The following NECTIN3 variants were observed in gnomAD, a reference collection of about 807,000 sequenced individuals.
NECTIN3 encodes the protein nectin-3.
A neutral mutation model predicts 49.4 loss-of-function variants in NECTIN3; 8 were observed. The ratio of observed to expected loss-of-function variants is 0.16; its 90% CI spans 0.10 to 0.29. The LOEUF (loss-of-function observed/expected upper bound fraction) is 0.29. NECTIN3 is among the 10% of genes least tolerant of loss of function. The probability of loss-of-function intolerance (pLI) is 1.00; values close to 1 mark genes in which losing one functional copy is unlikely to be tolerated. For synonymous variants in NECTIN3, 277 were observed against 241.1 expected, an observed-to-expected ratio of 1.15 and a Z score of -1.38; for missense variants, 581 against 654.6, an observed-to-expected ratio of 0.89 and a Z score of 1.23.
At chr3:111,112,421 T>A (rs1183431051) in intron 2 of NECTIN3, 50 bp downstream of exon 2, 24 of 1,104,748 alleles carry the variant, frequency 2.2e-5, no homozygotes, top group Non-Finnish European at 2.9e-5. Flanking sequence ...AAGATTATAA[T>A]AAAAATATTT....
At chr3:111,187,028 A>C (rs1383869992) in intron 7 of NECTIN3, among the ~76,000 whole-genome samples, 1 of 152,192 alleles carries the variant, frequency 6.6e-6, no homozygotes, top group African/African-American at 2.4e-5. Context: ...AGAAATACCA[A>C]ATCCTGTTGA....
chr3:111,081,555 T>C (rs1023623872), intron 1 of NECTIN3, among the ~76,000 whole-genome samples: 2 of 152,190 alleles, frequency 1.3e-5, no homozygotes, highest in African/African-American at 4.8e-5. Flanking sequence ...TGCAATAAAG[T>C]GCTATGTAAA....
In NECTIN3 at chr3:111,118,855, T is replaced by A. The variant is rs895541966; in HGVS notation, c.702T>A (p.Phe234Leu). ...TATIISQYKL[F>L]PTRFARGRRI... ...CGATTATCAGCCAGTACAAGCTATT[T>A]CCAACCAGATTTGCTAGAGGAAGGC... Residue 234 changes from phenylalanine to leucine, a missense_variant, in exon 3 of 6, where the codon TTT becomes TTA. By Grantham distance (22) the Phe-to-Leu change is conservative (BLOSUM62 0). Coordinates refer to ENST00000485303, the MANE Select transcript of NECTIN3 (RefSeq NM_015480.3). 1.1e-5 allele frequency: 17 copies of A among 1,614,026 alleles called. No homozygotes were observed. In the African/African-American group the frequency reaches 2.3e-4, roughly 22 times the overall value.
intron 7 of NECTIN3, among the ~76,000 whole-genome samples, chr3:111,154,718 T>G (rs762759114): frequency 3.3e-5 from 5 of 152,316 alleles, no homozygotes; most frequent in East Asian, 1.9e-4. Flanking sequence ...TAGGTTTAAA[T>G]CTGCAGTTTT....
chr3:111,093,526 C>T (rs2032398770), intron 1 of NECTIN3, among the ~76,000 whole-genome samples: 1 of 151,794 alleles, frequency 6.6e-6, no homozygotes, highest in Non-Finnish European at 1.5e-5. Flanking sequence ...CCTCCACCTC[C>T]TGGGTTCAAG....
chr3:111,176,413 T>C (rs2035529031), intron 7 of NECTIN3, among the ~76,000 whole-genome samples: 1 of 152,150 alleles, frequency 6.6e-6, no homozygotes, highest in Non-Finnish European at 1.5e-5. Context: ...ATAAACTGAG[T>C]TCTAGCTCAA....
At chr3:111,072,318 CTT>C in intron 1 of NECTIN3, 141 bp downstream of exon 1, 1 of 1,432,898 alleles carries the variant, frequency 7.0e-7, no homozygotes, top group Non-Finnish European at 9.1e-7. Context: ...TGGCTGGAAA[CTT>C]TTCGCCGCGC....
In NECTIN3 at chr3:111,133,643, A is replaced by G. The variant is rs371971217; in HGVS notation, c.1078A>G (p.Thr360Ala). ...QKVIYISDPP[T>A]TTTLQPTIQW... Reference sequence around the variant, plus strand: ...TTTACTGTTTCCATTAGATCCTCCTACTACTACCACCCTTCAGCCTACAAT... The same window carrying G: ...TTTACTGTTTCCATTAGATCCTCCTGCTACTACCACCCTTCAGCCTACAAT... The change falls in exon 6 of 6, where the codon ACT becomes GCT. Residue 360 changes from threonine to alanine, a missense_variant. Transcript: ENST00000485303. 22 of 1,612,556 alleles carry G rather than the reference A, an allele frequency of 1.4e-5. No individual in the cohort carries two copies. The South Asian group carries it at 1.4e-4, about 10-fold the overall frequency.
intron 1 of NECTIN3, among the ~76,000 whole-genome samples, chr3:111,095,001 G>A (rs1387863783): frequency 1.3e-5 from 2 of 152,080 alleles, no homozygotes; most frequent in Admixed American, 6.5e-5. Context: ...TAACTCATTA[G>A]TACACAAAAG....
chr3:111,181,461 T>A (rs2035625840), intron 7 of NECTIN3, among the ~76,000 whole-genome samples: 1 of 152,180 alleles, frequency 6.6e-6, no homozygotes, highest in Admixed American at 6.5e-5. Flanking sequence ...AGTATCCAGA[T>A]GATGTTAATC....
At chr3:111,088,755 A>G (rs1053286940) in intron 1 of NECTIN3, among the ~76,000 whole-genome samples, 2 of 152,040 alleles carry the variant, frequency 1.3e-5, no homozygotes, top group African/African-American at 2.4e-5. Context: ...TTCTTTCCAC[A>G]TATGTTTATG....
chr3:111,129,353 A>G (rs1420047053), intron 5 of NECTIN3, among the ~76,000 whole-genome samples: 3 of 151,964 alleles, frequency 2.0e-5, no homozygotes, highest in Non-Finnish European at 4.4e-5. Flanking sequence ...ATATTTACAT[A>G]TTTTCTTGTT....
intron 6 of NECTIN3, chr3:111,147,285 A>C (rs2034895706): frequency 1.4e-6 from 1 of 722,342 alleles, no homozygotes; most frequent in East Asian, 2.7e-5. Context: ...GCTAGAGTAA[A>C]TATTATCTAT....
At chr3:111,115,521 T>G (rs2033654581) in intron 2 of NECTIN3, among the ~76,000 whole-genome samples, 1 of 152,200 alleles carries the variant, frequency 6.6e-6, no homozygotes, top group Admixed American at 6.5e-5. Flanking sequence ...AGATCCCTCT[T>G]AGGCTTATTG....
chr3:111,152,531 T>G lies in NECTIN3; in HGVS notation c.1221+5047T>G, dbSNP rs150518233. 6.9e-4 allele frequency among the ~76,000 whole-genome samples: 105 copies of G among 152,050 alleles called. No homozygotes were observed. The Middle Eastern group carries it at 0.014, about 20-fold the overall frequency. On this transcript the variant is annotated intron_variant, in intron 7 of 8. Coordinates refer to the NECTIN3 transcript ENST00000493615. ...AAAGCCATTTTTTCCTGCAAATTGT[T>G]ATTCTTTTGTCTTTTTATTTATTGG... is the stretch of plus-strand genomic sequence containing the variant.
rs2034576549 is a variant in NECTIN3 at position 111,136,385 on chromosome 3, G to A, written c.*2170G>A. The A allele has an allele frequency of 1.0e-6, 1 of 984,552 alleles. No homozygotes were observed. The highest frequency in any genetic ancestry group is 4.7e-5 in the South Asian group (1 of 21,274). The allele number at this position is 984,552 out of a possible 1,614,324, so 61.0% of individuals were successfully genotyped here. ...TTGTTTCTTTTGTGTTTGTTTGGCG[G>A]GAGAGGGTGACCTGGAAAGCCACAA... On this transcript the variant is annotated 3_prime_UTR_variant, in exon 6 of 6. Transcript: ENST00000485303.
intron 7 of NECTIN3, among the ~76,000 whole-genome samples, chr3:111,162,294 G>T (rs2035229283): frequency 6.6e-6 from 1 of 152,126 alleles, no homozygotes; most frequent in African/African-American, 2.4e-5. Flanking sequence ...ATCTCATCTT[G>T]AGTTGTAGTT....
chr3:111,156,962 C>T (rs2035109887), intron 7 of NECTIN3, among the ~76,000 whole-genome samples: 2 of 152,126 alleles, frequency 1.3e-5, no homozygotes, highest in Non-Finnish European at 2.9e-5. Flanking sequence ...AAGCAGTTAG[C>T]CAGTTGGTAA....
chr3:111,086,633 A>G (rs552743729), intron 1 of NECTIN3, among the ~76,000 whole-genome samples: 2 of 152,276 alleles, frequency 1.3e-5, no homozygotes, highest in South Asian at 2.1e-4. Context: ...ATAATGTCTC[A>G]TTAGAGCTTT....
Sources: allele counts gnomAD v4.1 joint callset (sites outside exome capture counted in the v4.1 genomes callset), GRCh38; gene constraint gnomAD v4.1.1; transcripts MANE v1.5; gene names NCBI Gene and HGNC (gene_info 2026-07-23, HGNC 2026-07-21).